LTBP1: variants seen among roughly 807,000 people sequenced by gnomAD.
LTBP1 encodes the protein latent transforming growth factor beta binding protein 1.
A neutral mutation model predicts 207.6 loss-of-function variants in LTBP1; 129 were observed. That is an observed-to-expected ratio of 0.62 (90% CI 0.54 to 0.72). The LOEUF is 0.72. LTBP1 is among the 30% of genes least tolerant of loss of function. LTBP1 has a pLI of 0.00. For missense variants in LTBP1, 2,281 were observed against 2,217.2 expected (o/e 1.03, Z -0.58); for synonymous variants, 963 against 833.7 (o/e 1.16, Z -2.67).
chr2:33,222,085 C>T lies in LTBP1; in HGVS notation c.1810C>T (p.His604Tyr). ...AAGCATTTCTTCCCTTACAGCTTAT[C>T]ATGGATACAACCAAATGATGGAATG... ...CQKCPKKPSY[H>Y]GYNQMMECLP... Residue 604 changes from histidine (H) to tyrosine (Y), a missense_variant, in exon 9 of 34, where the codon CAT becomes TAT. Physicochemically the swap from His to Tyr is moderately conservative, Grantham distance 83. Transcript: ENST00000404816. 1 of 1,611,508 alleles carries T rather than the reference C, an allele frequency of 6.2e-7. No homozygotes were observed. The highest frequency in any genetic ancestry group is 8.5e-7 in the Non-Finnish European group (1 of 1,177,590).
intron 9 of LTBP1, among the ~76,000 whole-genome samples, chr2:33,231,124 T>C (rs747611329): frequency 5.3e-5 from 8 of 152,228 alleles, no homozygotes; most frequent in Non-Finnish European, 1.2e-4. Flanking sequence ...GAATTTAGTG[T>C]AATGAAATCA....
intron 7 of LTBP1, among the ~76,000 whole-genome samples, chr2:33,205,153 T>C (rs2089738903): frequency 6.6e-6 from 1 of 152,242 alleles, no homozygotes. Flanking sequence ...TATACTTGTC[T>C]CTCAAATGCT....
chr2:33,037,844 A>G (rs560267149), intron 3 of LTBP1, among the ~76,000 whole-genome samples: 21 of 152,304 alleles, frequency 1.4e-4, no homozygotes, highest in Non-Finnish European at 2.5e-4. Flanking sequence ...CAGCCACCCA[A>G]GTAACTGGAG....
intron 2 of LTBP1, among the ~76,000 whole-genome samples, chr2:32,994,283 C>T (rs1437847729): frequency 1.3e-5 from 2 of 152,072 alleles, no homozygotes; most frequent in African/African-American, 2.4e-5. Context: ...TGGAATGTGT[C>T]TCATTTCATC....
In LTBP1 at chr2:33,041,531, C is replaced by G. The variant is rs186461595; in HGVS notation, c.863+20325C>G. Among the ~76,000 whole-genome samples, 78 of 152,360 alleles carry G rather than the reference C, an allele frequency of 5.1e-4. No homozygotes were observed. In the East Asian group the frequency reaches 0.014, roughly 27 times the overall value. On this transcript the variant is annotated intron_variant, in intron 3 of 33. Transcript: ENST00000404816. ...ACTCCTGACCTTGTGATCCACCTGCCTCTGCATCCCAAAGTGCTGGGATTA... is the reference window on the plus strand; with the variant it reads ...ACTCCTGACCTTGTGATCCACCTGCGTCTGCATCCCAAAGTGCTGGGATTA...
intron 22 of LTBP1, among the ~76,000 whole-genome samples, chr2:33,308,058 A>G (rs527398305): frequency 6.6e-6 from 1 of 152,368 alleles, no homozygotes; most frequent in East Asian, 1.9e-4. Context: ...TTTGCAAGAA[A>G]TGCCATAAAA....
intron 5 of LTBP1, among the ~76,000 whole-genome samples, chr2:33,138,045 A>T (rs949801274): frequency 6.6e-6 from 1 of 152,114 alleles, no homozygotes; most frequent in Non-Finnish European, 1.5e-5. Context: ...CTTTGGGCCC[A>T]GCTCACCTCC....
At chr2:33,207,205 T>C (rs931325192) in intron 7 of LTBP1, among the ~76,000 whole-genome samples, 6 of 152,184 alleles carry the variant, frequency 3.9e-5, no homozygotes, top group Non-Finnish European at 7.3e-5. Flanking sequence ...GGGTTTTTTT[T>C]CCCTTCATAT....
At chr2:33,287,536 G>A (rs1004404949) in intron 19 of LTBP1, among the ~76,000 whole-genome samples, 4 of 152,218 alleles carry the variant, frequency 2.6e-5, no homozygotes, top group Non-Finnish European at 5.9e-5. Flanking sequence ...TCTAGAGTTT[G>A]AGACAGCAAG....
intron 3 of LTBP1, among the ~76,000 whole-genome samples, chr2:33,044,864 TGAC>T (rs1023007454): frequency 1.6e-4 from 24 of 152,238 alleles, no homozygotes; most frequent in African/African-American, 5.5e-4. Context: ...TAATGGCCAG[TGAC>T]GATGAGCTTT....
At chr2:33,199,797 G>C (rs1290869699) in intron 7 of LTBP1, among the ~76,000 whole-genome samples, 1 of 151,858 alleles carries the variant, frequency 6.6e-6, no homozygotes, top group Non-Finnish European at 1.5e-5. Flanking sequence ...CAAAATCAAT[G>C]TACAAAAATC....
intron 4 of LTBP1, among the ~76,000 whole-genome samples, chr2:33,121,688 G>A (rs1251850316): frequency 6.6e-6 from 1 of 152,152 alleles, no homozygotes; most frequent in South Asian, 2.1e-4. Flanking sequence ...AGGTTACGGC[G>A]TAATCCTCCC....
chr2:33,014,088 C>G (rs1688021925), intron 2 of LTBP1, among the ~76,000 whole-genome samples: 1 of 152,122 alleles, frequency 6.6e-6, no homozygotes. Flanking sequence ...TGAAAGCAAA[C>G]ACCCATCCCT....
intron 24 of LTBP1, among the ~76,000 whole-genome samples, chr2:33,323,590 T>C (rs2094386497): frequency 1.3e-5 from 2 of 151,836 alleles, no homozygotes; most frequent in African/African-American, 4.8e-5. Flanking sequence ...GATCACACCA[T>C]TGCATTTCAG....
At chr2:32,955,796 C>T (rs1168897991) in intron 2 of LTBP1, among the ~76,000 whole-genome samples, 1 of 152,068 alleles carries the variant, frequency 6.6e-6, no homozygotes, top group Non-Finnish European at 1.5e-5. Flanking sequence ...CTAATGGTTT[C>T]CTGCTTTCTT....
intron 3 of LTBP1, among the ~76,000 whole-genome samples, chr2:33,062,514 T>C (rs2077314298): frequency 6.6e-6 from 1 of 152,220 alleles, no homozygotes. Flanking sequence ...TTTTTCTTTA[T>C]ACTGATATCT....
chr2:33,130,596 C>T (rs534627298), intron 4 of LTBP1, among the ~76,000 whole-genome samples: 11 of 152,174 alleles, frequency 7.2e-5, no homozygotes, highest in South Asian at 2.1e-4. Context: ...CTTTTTATCA[C>T]GGGAGGAGGG....
At position 33,086,995 on chromosome 2, in the gene LTBP1, G is replaced by C. The variant is rs994941140; in HGVS notation, c.864-23587G>C. ...CACCCAGTGTGGGCACTTGATCACA[G>C]AGATTATTCTTAGAGTCTTCTTTGG... On this transcript the variant is annotated intron_variant, in intron 3 of 33. Transcript: ENST00000404816. Among the ~76,000 whole-genome samples the C allele has an allele frequency of 5.3e-5, 8 of 149,674 alleles. No homozygotes were observed. The East Asian group carries it at 1.4e-3, about 26-fold the overall frequency.
At chr2:32,957,405 A>T (rs989085258) in intron 2 of LTBP1, among the ~76,000 whole-genome samples, 1 of 152,092 alleles carries the variant, frequency 6.6e-6, no homozygotes, top group Non-Finnish European at 1.5e-5. Flanking sequence ...TAGGGTTATT[A>T]ATTAGCCTGA....
Sources: allele counts gnomAD v4.1 joint callset (sites outside exome capture counted in the v4.1 genomes callset), GRCh38; gene constraint gnomAD v4.1.1; transcripts MANE v1.5; gene names NCBI Gene and HGNC (gene_info 2026-07-23, HGNC 2026-07-21).